RAD51B: variants seen among roughly 807,000 people sequenced by gnomAD.
The protein encoded by RAD51B is RAD51 paralog B, also known as DNA repair protein RAD51 homolog 2.
A neutral mutation model predicts 42.2 loss-of-function variants in RAD51B; 38 were observed. That is an observed-to-expected ratio of 0.90 (90% CI 0.70 to 1.18). The LOEUF is 1.18. RAD51B is among the 50% of genes most tolerant of loss of function. RAD51B has a pLI of 0.00. For synonymous variants in RAD51B, 154 were observed against 145.2 expected (o/e 1.06, Z -0.43); for missense variants, 373 against 400.7 (o/e 0.93, Z 0.59).
intron 7 of RAD51B, among the ~76,000 whole-genome samples, chr14:68,277,477 T>C (rs2081246979): frequency 6.6e-6 from 1 of 152,164 alleles, no homozygotes; most frequent in African/African-American, 2.4e-5. Context: ...AGATATGGAG[T>C]CAGACTTGGG....
intron 7 of RAD51B, among the ~76,000 whole-genome samples, chr14:68,017,797 C>T (rs2075800826): frequency 1.3e-5 from 2 of 151,940 alleles, no homozygotes; most frequent in African/African-American, 2.4e-5. Context: ...TTGGTGAAAC[C>T]CCATCTCTAC....
At chr14:68,465,658 C>A (rs961457026) in intron 9 of RAD51B, among the ~76,000 whole-genome samples, 1 of 152,098 alleles carries the variant, frequency 6.6e-6, no homozygotes, top group Admixed American at 6.6e-5. Context: ...CACATTGAAC[C>A]GGGCCAGGCG....
chr14:68,238,494 A>G (rs985109527), intron 7 of RAD51B, among the ~76,000 whole-genome samples: 5 of 151,962 alleles, frequency 3.3e-5, no homozygotes, highest in African/African-American at 9.7e-5. Context: ...TGTAGAGACA[A>G]AGATCTCACT....
intron 7 of RAD51B, among the ~76,000 whole-genome samples, chr14:67,972,671 C>G (rs2074921387): frequency 6.6e-6 from 1 of 152,072 alleles, no homozygotes; most frequent in Admixed American, 6.6e-5. Context: ...AGTCCTATTG[C>G]TGTGGTCTGC....
intron 7 of RAD51B, among the ~76,000 whole-genome samples, chr14:68,079,724 A>AT (rs1006427183): frequency 2.6e-5 from 4 of 152,188 alleles, no homozygotes; most frequent in African/African-American, 7.2e-5. Context: ...TAAAGTATAT[A>AT]TTTTTTCTCA....
In RAD51B at chr14:67,985,842, G is replaced by A. The variant is rs143064629; in HGVS notation, c.756+98638G>A. Among the ~76,000 whole-genome samples the A allele has an allele frequency of 1.7e-3, 258 of 152,236 alleles. 2 individuals are homozygous for A. The highest frequency in any genetic ancestry group is 5.9e-3 in the African/African-American group (247 of 41,544). ...GCAGGATGGCTGGAGCTCAGGAGGC[G>A]GAGGTTGTGGTGAGCTGAGGTCGTG... On this transcript the variant is annotated intron_variant, in intron 7 of 10. Coordinates refer to ENST00000471583, the MANE Select transcript of RAD51B (RefSeq NM_133510.4).
intron 10 of RAD51B, among the ~76,000 whole-genome samples, chr14:68,537,655 T>A (rs994345990): frequency 5.3e-5 from 8 of 152,240 alleles, no homozygotes; most frequent in Non-Finnish European, 7.3e-5. Flanking sequence ...AGTACTATCA[T>A]TTTAGTTCTT....
At chr14:68,146,024 A>G (rs540755803) in intron 7 of RAD51B, among the ~76,000 whole-genome samples, 51 of 140,398 alleles carry the variant, frequency 3.6e-4, no homozygotes, top group African/African-American at 1.3e-3. Flanking sequence ...GGTAGAAGTT[A>G]TGTTCAATAT....
chr14:68,087,848 TTA>T (rs913219612), intron 7 of RAD51B, among the ~76,000 whole-genome samples: 15 of 125,968 alleles, frequency 1.2e-4, no homozygotes, highest in South Asian at 4.5e-4. Context: ...TATATAATTA[TTA>T]TATATATAAT....
intron 8 of RAD51B, among the ~76,000 whole-genome samples, chr14:68,391,875 G>A (rs370110376): frequency 6.6e-6 from 1 of 152,066 alleles, no homozygotes; most frequent in Non-Finnish European, 1.5e-5. Flanking sequence ...CACTGCAATC[G>A]CCCCATCACA....
intron 10 of RAD51B, among the ~76,000 whole-genome samples, chr14:68,632,968 CTTTTTTTTTTTT>C (rs397852024): frequency 8.4e-5 from 5 of 59,414 alleles, no homozygotes; most frequent in Non-Finnish European, 8.9e-5. Context: ...TTTTCTTTTT[CTTTTTTTTTTTT>C]TTTTTTTTTT....
chr14:68,600,907 G>A (rs10220656), downstream of RAD51B, among the ~76,000 whole-genome samples: 1,782 of 152,280 alleles, frequency 0.012, 42 homozygotes, highest in African/African-American at 0.04. Context: ...GTTTTGCACA[G>A]CCTGAAGCAT....
At chr14:67,903,188 G>T (rs1351466306) in intron 7 of RAD51B, among the ~76,000 whole-genome samples, 2 of 152,070 alleles carry the variant, frequency 1.3e-5, no homozygotes, top group African/African-American at 4.8e-5. Flanking sequence ...AGTTTAGTTG[G>T]TTTGTCTGTA....
chr14:68,006,284 C>T (rs1288069938), intron 7 of RAD51B, among the ~76,000 whole-genome samples: 1 of 152,124 alleles, frequency 6.6e-6, no homozygotes, highest in Non-Finnish European at 1.5e-5. Flanking sequence ...ATTTTATGTA[C>T]TACAACTAGC....
At chr14:68,231,768 C>G (rs2080154747) in intron 7 of RAD51B, among the ~76,000 whole-genome samples, 1 of 152,098 alleles carries the variant, frequency 6.6e-6, no homozygotes, top group South Asian at 2.1e-4. Context: ...TTTGCCTAAC[C>G]CTATTTCTTT....
At chr14:67,924,188 C>T (rs1267456947) in intron 7 of RAD51B, among the ~76,000 whole-genome samples, 2 of 152,128 alleles carry the variant, frequency 1.3e-5, no homozygotes, top group Non-Finnish European at 2.9e-5. Context: ...TGTCTGTTCA[C>T]TCTGCTGATT....
At chr14:68,484,122 T>C (rs1447930952) in intron 10 of RAD51B, among the ~76,000 whole-genome samples, 1 of 152,206 alleles carries the variant, frequency 6.6e-6, no homozygotes, top group Non-Finnish European at 1.5e-5. Context: ...AGACTTCGCG[T>C]ACCCTGAGGT....
intron 7 of RAD51B, among the ~76,000 whole-genome samples, chr14:68,148,704 A>C (rs1184773842): frequency 6.6e-6 from 1 of 152,222 alleles, no homozygotes; most frequent in Non-Finnish European, 1.5e-5. Context: ...AGTCCCAGTC[A>C]GCCATGTGGT....
chr14:68,217,162 A>C (rs2079832439), intron 7 of RAD51B, among the ~76,000 whole-genome samples: 1 of 152,082 alleles, frequency 6.6e-6, no homozygotes, highest in African/African-American at 2.4e-5. Flanking sequence ...TGCTCTCCTA[A>C]GTGGTGGTAG....
Sources: gnomAD v4.1 joint callset for allele counts (sites outside exome capture counted in the v4.1 genomes callset) on GRCh38, gnomAD v4.1.1 for gene constraint, MANE v1.5 for transcripts, NCBI Gene and HGNC (gene_info 2026-07-23, HGNC 2026-07-21) for gene names.